The following MOV10L1 variants were observed in gnomAD, a reference collection of about 807,000 sequenced individuals.
MOV10L1 encodes RNA helicase Mov10l1.
A neutral mutation model predicts 143.8 loss-of-function variants in MOV10L1; 110 were observed. The observed-to-expected ratio is 0.76, with a 90% CI of 0.66 to 0.90. MOV10L1 has a LOEUF of 0.90. MOV10L1 is among the 40% of genes least tolerant of loss of function. The pLI, the probability that MOV10L1 is intolerant of heterozygous loss-of-function variation, is 0.00. For synonymous variants in MOV10L1, 593 were observed against 581.1 expected, an observed-to-expected ratio of 1.02 and a Z score of -0.29; for missense variants, 1,406 against 1,526.8, an observed-to-expected ratio of 0.92 and a Z score of 1.32.
chr22:50,100,518 T>C (rs933735750), intron 3 of MOV10L1, among the ~76,000 whole-genome samples: 2 of 152,080 alleles, frequency 1.3e-5, no homozygotes, highest in African/African-American at 4.8e-5. Flanking sequence ...TTTCTTTCTT[T>C]CTTTCTTTTT....
At chr22:50,109,492 AC>A (rs34937757) in intron 5 of MOV10L1, among the ~76,000 whole-genome samples, 33,933 of 150,958 alleles carry the variant, frequency 0.22, 4,159 homozygotes, top group Admixed American at 0.35. Flanking sequence ...ACACGGTGAA[AC>A]CCCGTGTCTA....
chr22:50,161,234 C>T, intron 26 of MOV10L1, 134 bp from the exon 27 acceptor site: 1 of 993,450 alleles, frequency 1.0e-6, no homozygotes, highest in Non-Finnish European at 1.5e-6. Flanking sequence ...CATTTGGGGT[C>T]ATGTCACCTT....
intron 9 of MOV10L1, among the ~76,000 whole-genome samples, chr22:50,118,293 G>A (rs545176660): frequency 6.6e-6 from 1 of 152,046 alleles, no homozygotes; most frequent in South Asian, 2.1e-4. Flanking sequence ...ACCACTCTGA[G>A]CCTTGTTCTC....
chr22:50,161,489 TGGC>T lies in MOV10L1; in HGVS notation c.*41_*43del, dbSNP rs761502911. The T allele has an allele frequency of 1.3e-6, 2 of 1,543,300 alleles. No individual in the cohort carries two copies. The highest frequency in any genetic ancestry group is 8.8e-7 in the Non-Finnish European group (1 of 1,140,138). On this transcript the variant is annotated 3_prime_UTR_variant, in exon 27 of 27. Transcript: ENST00000262794. ...CAGCAGGGAGGCCATGTGCTCAGCC[TGGC>T]CACGTTGCCGTTACAGTCTGCTCCG...
chr22:50,149,714 G>A lies in MOV10L1; in HGVS notation c.2727G>A (p.Gln909=). The change falls in exon 20 of 27, where the codon CAG becomes CAA. Residue 909 remains glutamine (Q), a splice_region_variant and synonymous_variant. Coordinates refer to ENST00000262794, the MANE Select transcript of MOV10L1 (RefSeq NM_018995.3). ...PLGLMSDISG[Q]IVLAGDPMQL... Reference sequence around the variant, plus strand: ...GGCTGATGTCGGACATCAGTGGCCAGGTAAGTCCCGACTACTGTGTGTGCT... The same window carrying A: ...GGCTGATGTCGGACATCAGTGGCCAAGTAAGTCCCGACTACTGTGTGTGCT... The A allele has an allele frequency of 6.2e-7, 1 of 1,612,740 alleles. No individual in the cohort carries two copies. The highest frequency in any genetic ancestry group is 1.3e-5 in the African/African-American group (1 of 75,034).
rs768799349 is a variant in MOV10L1 at position 50,125,511 on chromosome 22, G to A, written c.1689G>A (p.Gly563=). Residue 563 remains glycine (G), a synonymous_variant, in exon 11 of 27, where the codon GGG becomes GGA. Coordinates refer to ENST00000262794, the MANE Select transcript of MOV10L1 (RefSeq NM_018995.3). The stretch of plus-strand genomic sequence containing the variant: ...GCGGGATCATCTTAAGAAGGAATGG[G>A]GATCTGCTGGTTCTGGAGGTCCCAG... ...NMSGIILRRN[G]DLLVLEVPGL... 3.5e-5 allele frequency: 56 copies of A among 1,614,070 alleles called. No homozygotes were observed. In the Admixed American group the frequency reaches 9.2e-4, roughly 26 times the overall value.
At chr22:50,109,765 CT>C in intron 5 of MOV10L1, 1 of 165,324 alleles carries the variant, frequency 6.0e-6, no homozygotes, top group South Asian at 1.3e-4. Context: ...TTGCTTGAGC[CT>C]AGGAGCTTGA....
chr22:50,101,247 CCT>C (rs2061736730), intron 3 of MOV10L1, among the ~76,000 whole-genome samples: 1 of 152,050 alleles, frequency 6.6e-6, no homozygotes, highest in African/African-American at 2.4e-5. Context: ...ACGGAATCTT[CCT>C]CTGTTTCCCA....
intron 22 of MOV10L1, among the ~76,000 whole-genome samples, chr22:50,155,266 T>TG (rs1410122860): frequency 6.7e-6 from 1 of 150,344 alleles, no homozygotes; most frequent in Non-Finnish European, 1.5e-5. Flanking sequence ...TTTGTGGGTT[T>TG]TTTTTTTTTT....
At chr22:50,090,936 A>T (rs918847761) in intron 1 of MOV10L1, 10 of 217,942 alleles carry the variant, frequency 4.6e-5, no homozygotes, top group Non-Finnish European at 7.9e-5. Flanking sequence ...TTGGCCTCCC[A>T]AAGTGCTGGG....
chr22:50,160,871 G>A (rs750804345), intron 25 of MOV10L1, 46 bp downstream of exon 25: 6 of 1,612,888 alleles, frequency 3.7e-6, no homozygotes, highest in Non-Finnish European at 5.1e-6. Context: ...TAAGGAGGGA[G>A]GGTCCGGGTC....
intron 3 of MOV10L1, among the ~76,000 whole-genome samples, chr22:50,101,341 G>A (rs1206269251): frequency 6.6e-6 from 1 of 152,046 alleles, no homozygotes; most frequent in African/African-American, 2.4e-5. Flanking sequence ...TCAGCCTCCT[G>A]AATAGCTGGG....
intron 10 of MOV10L1, among the ~76,000 whole-genome samples, chr22:50,121,929 T>G (rs186737399): frequency 1.9e-3 from 290 of 152,310 alleles, no homozygotes; most frequent in African/African-American, 6.7e-3. Context: ...TTAAGATGCA[T>G]TTTTCTATTT....
Position 50,134,049 on chromosome 22 carries a change from C to T in MOV10L1, c.1953C>T (p.Ile651=), listed in dbSNP as rs1023056060. The change falls in exon 14 of 27, where the codon ATC becomes ATT. Residue 651 remains isoleucine, a synonymous_variant. Coordinates refer to ENST00000262794, the MANE Select transcript of MOV10L1 (RefSeq NM_018995.3). ...RRCHFALEHV[I]HLGVKVLFPE... ...GTCACTTTGCACTTGAACACGTCAT[C>T]CACTTAGGTGTAAAAGGTATTACTT... is the stretch of plus-strand genomic sequence containing the variant. The T allele has an allele frequency of 1.2e-6, 2 of 1,611,298 alleles. No homozygotes were observed. The highest frequency in any genetic ancestry group is 1.7e-6 in the Non-Finnish European group (2 of 1,179,166).
intron 15 of MOV10L1, among the ~76,000 whole-genome samples, chr22:50,140,481 T>C (rs2062950035): frequency 6.6e-6 from 1 of 152,192 alleles, no homozygotes; most frequent in Non-Finnish European, 1.5e-5. Context: ...ATCTTTTGGC[T>C]TCCCTAGGCC....
Position 50,144,674 on chromosome 22 carries a change from C to T in MOV10L1, c.2505+431C>T, listed in dbSNP as rs181279630. ...TCGGCTCACTGCAAGCTCCGCCTCC[C>T]AGGTTCACACCATTCTCTGGCCTCA... On this transcript the variant is annotated intron_variant, in intron 18 of 26. Coordinates refer to ENST00000262794, the MANE Select transcript of MOV10L1 (RefSeq NM_018995.3). Among the ~76,000 whole-genome samples the T allele has an allele frequency of 1.4e-3, 216 of 152,124 alleles. 3 individuals are homozygous for T. The East Asian group carries it at 0.034, about 24-fold the overall frequency.
chr22:50,153,673 G>T (rs912523651), intron 22 of MOV10L1, among the ~76,000 whole-genome samples: 2 of 152,216 alleles, frequency 1.3e-5, no homozygotes, highest in African/African-American at 2.4e-5. Context: ...CGAGCCGTGC[G>T]CCTGGGGCCT....
intron 15 of MOV10L1, among the ~76,000 whole-genome samples, chr22:50,140,778 A>T (rs1000723573): frequency 6.6e-6 from 1 of 151,294 alleles, no homozygotes; most frequent in African/African-American, 2.4e-5. Flanking sequence ...ACTGCAGTGT[A>T]GTGTCGCAAT....
chr22:50,111,040 C>A (rs563280632), intron 5 of MOV10L1, among the ~76,000 whole-genome samples: 1 of 152,224 alleles, frequency 6.6e-6, no homozygotes, highest in South Asian at 2.1e-4. Flanking sequence ...CCAGCTCTGA[C>A]CCACCCCCTC....
Sources: gnomAD v4.1 joint callset for allele counts (sites outside exome capture counted in the v4.1 genomes callset) on GRCh38, gnomAD v4.1.1 for gene constraint, MANE v1.5 for transcripts, NCBI Gene and HGNC (gene_info 2026-07-23, HGNC 2026-07-21) for gene names.